RHOBTB1: variants seen among roughly 807,000 people sequenced by gnomAD.
RHOBTB1 encodes rho-related BTB domain-containing protein 1.
In RHOBTB1, 40 loss-of-function variants were observed where a neutral mutation model predicts 71.6. The ratio of observed to expected loss-of-function variants is 0.56; its 90% CI spans 0.43 to 0.73. The LOEUF (loss-of-function observed/expected upper bound fraction) is 0.73. RHOBTB1 is among the 30% of genes least tolerant of loss of function. The pLI is 0.00. For synonymous variants in RHOBTB1, 319 were observed against 334.9 expected, an observed-to-expected ratio of 0.95 and a Z score of 0.52; for missense variants, 797 against 894.0, an observed-to-expected ratio of 0.89 and a Z score of 1.38.
At position 60,983,841 on chromosome 10, in the gene RHOBTB1, T is replaced by C. The variant is rs180863969; in HGVS notation, c.-62+2004A>G. ...CCTGCAGAGCTTCCCGGCCCCGCCC[T>C]CCTTCTGGCCTGTCCCTCTACTTCT... On this transcript the variant is annotated intron_variant, in intron 2 of 11. Transcript: ENST00000357917. Among the ~76,000 whole-genome samples, 119 of 152,336 alleles carry C rather than the reference T, an allele frequency of 7.8e-4. 2 individuals carry two copies. The East Asian group carries it at 0.016, about 21-fold the overall frequency.
At chr10:60,940,061 T>C (rs1324725201) in intron 2 of RHOBTB1, among the ~76,000 whole-genome samples, 1 of 152,198 alleles carries the variant, frequency 6.6e-6, no homozygotes, top group Non-Finnish European at 1.5e-5. Context: ...CCAATAATAA[T>C]AGTGCTGTTA....
intron 4 of RHOBTB1, among the ~76,000 whole-genome samples, chr10:60,908,559 T>C (rs1012794243): frequency 2.6e-5 from 4 of 152,154 alleles, no homozygotes; most frequent in African/African-American, 9.7e-5. Flanking sequence ...GATATAAAGG[T>C]AAAACTTGAA....
intron 2 of RHOBTB1, among the ~76,000 whole-genome samples, chr10:60,980,716 T>C (rs1054433888): frequency 3.9e-5 from 6 of 152,158 alleles, no homozygotes; most frequent in African/African-American, 1.4e-4. Flanking sequence ...ACCTAAACAT[T>C]GATGAAAGGT....
intron 4 of RHOBTB1, among the ~76,000 whole-genome samples, chr10:60,894,122 T>TC (rs556641358): frequency 1.1e-4 from 16 of 151,932 alleles, no homozygotes; most frequent in Non-Finnish European, 2.2e-4. Context: ...TTAATGAGCT[T>TC]CCCCCCCTAC....
chr10:60,967,988 T>C (rs763782612), intron 2 of RHOBTB1, among the ~76,000 whole-genome samples: 12 of 151,986 alleles, frequency 7.9e-5, no homozygotes, highest in Non-Finnish European at 4.4e-5. Context: ...AATTTAGCGC[T>C]GGAGGGAAAG....
At chr10:60,868,204 A>G (rs1392425408), downstream of RHOBTB1, among the ~76,000 whole-genome samples, 2 of 152,190 alleles carry the variant, frequency 1.3e-5, no homozygotes, top group South Asian at 2.1e-4. Context: ...ATTCTTCTAG[A>G]AAAGAGAAAT....
intron 2 of RHOBTB1, among the ~76,000 whole-genome samples, chr10:60,920,810 A>G (rs1236718298): frequency 6.6e-6 from 1 of 151,776 alleles, no homozygotes; most frequent in Admixed American, 6.6e-5. Context: ...ATGTGCCACC[A>G]TGCCCGGCTA....
chr10:60,936,766 C>T (rs2134092580), intron 2 of RHOBTB1, among the ~76,000 whole-genome samples: 1 of 152,272 alleles, frequency 6.6e-6, no homozygotes, highest in South Asian at 2.1e-4. Context: ...TTGTTGTATG[C>T]ACATGAAAGC....
chr10:60,926,682 C>T (rs1306820973), intron 2 of RHOBTB1, among the ~76,000 whole-genome samples: 1 of 152,158 alleles, frequency 6.6e-6, no homozygotes, highest in Non-Finnish European at 1.5e-5. Flanking sequence ...ATTCAACATC[C>T]TTCATGATAA....
rs529339604 is a variant in RHOBTB1, at chr10:60,930,027, G to A, written c.-11+11777C>T. 3.9e-5 allele frequency among the ~76,000 whole-genome samples: 6 copies of A among 152,182 alleles called. No homozygotes were observed. The South Asian group carries it at 1.2e-3, about 32-fold the overall frequency. ...ATTCTCTGGCTGCAAAGAAGTAAAT[G>A]AAACAATTGAAAGGAAAAGCTCTAT... On this transcript the variant is annotated intron_variant, in intron 2 of 10. Coordinates refer to ENST00000337910, the MANE Select transcript of RHOBTB1 (RefSeq NM_014836.5).
chr10:60,906,709 C>A (rs960814088), intron 4 of RHOBTB1, among the ~76,000 whole-genome samples: 1 of 152,164 alleles, frequency 6.6e-6, no homozygotes, highest in South Asian at 2.1e-4. Flanking sequence ...CCTGATTAAA[C>A]TGTAGTTGTT....
intron 2 of RHOBTB1, among the ~76,000 whole-genome samples, chr10:60,926,866 G>A (rs1013672192): frequency 6.6e-6 from 1 of 152,060 alleles, no homozygotes; most frequent in Admixed American, 6.6e-5. Flanking sequence ...CATAATACTA[G>A]AAATTCTAGT....
intron 1 of RHOBTB1, among the ~76,000 whole-genome samples, chr10:60,998,891 T>C (rs1450661657): frequency 2.0e-5 from 3 of 152,226 alleles, no homozygotes; most frequent in African/African-American, 7.2e-5. Flanking sequence ...TACCAGACTG[T>C]AGTGGTTCAA....
At chr10:60,911,700 A>C in intron 2 of RHOBTB1, 148 bp from the exon 3 acceptor site, 2 of 674,510 alleles carry the variant, frequency 3.0e-6, no homozygotes, top group South Asian at 3.7e-5. Flanking sequence ...AGTTCGTACT[A>C]AGCCTAATTG....
chr10:60,934,526 G>T (rs1430298907), intron 2 of RHOBTB1, among the ~76,000 whole-genome samples: 1 of 152,220 alleles, frequency 6.6e-6, no homozygotes, highest in Non-Finnish European at 1.5e-5. Context: ...GATTTCAGTA[G>T]TCATGTCAGA....
chr10:60,877,898 T>C lies in RHOBTB1; in HGVS notation c.1726+10A>G. On this transcript the variant is annotated intron_variant, in intron 8 of 10. Transcript: ENST00000337910. ...ACAGACACTGCATGGCCCTGAGTCA[T>C]CATCCTTACCTGCAAGTGCAACCAA... 1.9e-6 allele frequency: 3 copies of C among 1,612,142 alleles called. No homozygotes were observed. Among genetic ancestry groups the C allele is most frequent in the Non-Finnish European group, 2.5e-6 (3 of 1,179,198 alleles).
chr10:60,892,956 G>T lies in RHOBTB1; in HGVS notation c.336C>A (p.Pro112=), dbSNP rs763815253. The T allele has an allele frequency of 6.2e-7, 1 of 1,613,952 alleles. No individual in the cohort carries two copies. Among genetic ancestry groups the T allele is most frequent in the Non-Finnish European group, 8.5e-7 (1 of 1,179,910 alleles). Residue 112 remains proline (P), a synonymous_variant, in exon 5 of 11, where the codon CCC becomes CCA. Transcript: ENST00000337910. Reference sequence around the variant, plus strand: ...TGCTTTTCACATGATTTAGGGAATTGGGATTAGCAATCGAAAAACAGAGGA... The same window carrying T: ...TGCTTTTCACATGATTTAGGGAATTTGGATTAGCAATCGAAAAACAGAGGA... ...VVVLCFSIAN[P]NSLNHVKSMW... is the part of the protein sequence containing the mutation.
chr10:60,901,712 G>T (rs973623087), intron 4 of RHOBTB1, among the ~76,000 whole-genome samples: 1 of 152,144 alleles, frequency 6.6e-6, no homozygotes, highest in African/African-American at 2.4e-5. Flanking sequence ...ATCATGAAAA[G>T]TCAACATACT....
chr10:60,999,178 C>T (rs1331955405), intron 1 of RHOBTB1, among the ~76,000 whole-genome samples: 3 of 151,986 alleles, frequency 2.0e-5, no homozygotes, highest in Admixed American at 6.5e-5. Flanking sequence ...GGAGGAGTGG[C>T]GGCAGAGGGA....
Sources: gnomAD v4.1 joint callset for allele counts (sites outside exome capture counted in the v4.1 genomes callset) on GRCh38, gnomAD v4.1.1 for gene constraint, MANE v1.5 for transcripts, NCBI Gene and HGNC (gene_info 2026-07-23, HGNC 2026-07-21) for gene names.